The following STARD13 variants were observed in gnomAD, a reference collection of about 807,000 sequenced individuals.
STARD13 encodes the protein StAR related lipid transfer domain containing 13, also known as stAR-related lipid transfer protein 13.
Under a neutral mutation model 106.4 loss-of-function variants are expected in STARD13, and 62 were observed. That is an observed-to-expected ratio of 0.58 (90% CI 0.48 to 0.72). STARD13 has a LOEUF of 0.72. Among genes scored for constraint, STARD13 ranks in the 30% least tolerant of loss-of-function variants. The pLI is 0.00. For missense variants in STARD13, 1,387 were observed against 1,424.0 expected, an observed-to-expected ratio of 0.97 and a Z score of 0.42; for synonymous variants, 565 against 553.0, an observed-to-expected ratio of 1.02 and a Z score of -0.31.
chr13:33,156,071 A>C lies in STARD13; in HGVS notation c.323+9266T>G, dbSNP rs1049192416. Among the ~76,000 whole-genome samples the C allele has an allele frequency of 1.3e-5, 2 of 152,224 alleles. 1 individual carries two copies. The highest frequency in any genetic ancestry group is 4.1e-4 in the South Asian group (2 of 4,824). On this transcript the variant is annotated intron_variant, in intron 3 of 13. Transcript: ENST00000336934. ...CAAACCTTGGCTGCATTACGCCCCC[A>C]TTACCATAAAATTTCCATGGGTAAG...
At chr13:33,502,630 C>G in the STARD13 span, among the ~76,000 whole-genome samples, 1 of 152,176 alleles carries the variant, frequency 6.6e-6, no homozygotes, top group Non-Finnish European at 1.5e-5. Flanking sequence ...TTTTCTGCAT[C>G]TATTGAGATA....
chr13:33,164,933 C>G (rs1200282922), intron 3 of STARD13, among the ~76,000 whole-genome samples: 1 of 152,178 alleles, frequency 6.6e-6, no homozygotes, highest in Non-Finnish European at 1.5e-5. Flanking sequence ...CCTTCCCTCA[C>G]CACACATGCT....
At chr13:33,433,191 T>C in the STARD13 span, among the ~76,000 whole-genome samples, 1 of 152,244 alleles carries the variant, frequency 6.6e-6, no homozygotes, top group East Asian at 1.9e-4. Context: ...AAGATAATAT[T>C]GTTTCTCTTT....
chr13:33,359,144 C>T, the STARD13 span, among the ~76,000 whole-genome samples: 29 of 37,862 alleles, frequency 7.7e-4, no homozygotes, highest in Middle Eastern at 0.018. Flanking sequence ...ACTGTGGAAG[C>T]GTTGTTTTTC....
the STARD13 span, among the ~76,000 whole-genome samples, chr13:33,542,770 C>T: frequency 9.2e-5 from 14 of 152,228 alleles, no homozygotes; most frequent in African/African-American, 1.7e-4. Flanking sequence ...GGAAGGGATC[C>T]GGTGACGCCT....
At chr13:33,476,609 G>A in the STARD13 span, among the ~76,000 whole-genome samples, 1 of 152,158 alleles carries the variant, frequency 6.6e-6, no homozygotes, top group East Asian at 1.9e-4. Context: ...TTTGGCATAG[G>A]ACCTCTGTTT....
intron 1 of STARD13, among the ~76,000 whole-genome samples, chr13:33,319,407 A>G (rs988941279): frequency 3.3e-5 from 5 of 152,202 alleles, no homozygotes; most frequent in African/African-American, 1.2e-4. Context: ...AATTGCAAAT[A>G]GGCATGGGTT....
the STARD13 span, among the ~76,000 whole-genome samples, chr13:33,609,105 A>AAAAAAAAAAAAAG: frequency 3.9e-3 from 521 of 133,096 alleles, 44 homozygotes; most frequent in African/African-American, 0.017. Context: ...AAAAAAAAAA[A>AAAAAAAAAAAAAG]AAATATTGAT....
At chr13:33,403,672 A>G in the STARD13 span, among the ~76,000 whole-genome samples, 1 of 152,214 alleles carries the variant, frequency 6.6e-6, no homozygotes, top group East Asian at 1.9e-4. Context: ...TCATGACATC[A>G]TTACAAAGCA....
At chr13:33,648,868 C>T in the STARD13 span, among the ~76,000 whole-genome samples, 1 of 147,772 alleles carries the variant, frequency 6.8e-6, no homozygotes, top group South Asian at 2.1e-4. Context: ...CTCGGGTCAC[C>T]GCAACCTCCG....
the STARD13 span, among the ~76,000 whole-genome samples, chr13:33,644,235 T>C: frequency 6.6e-6 from 1 of 152,222 alleles, no homozygotes; most frequent in Non-Finnish European, 1.5e-5. Flanking sequence ...TGGCCATTTC[T>C]TGGGTGTGTG....
intron 1 of STARD13, among the ~76,000 whole-genome samples, chr13:33,190,992 C>G (rs187974016): frequency 6.6e-6 from 1 of 152,016 alleles, no homozygotes; most frequent in Admixed American, 6.6e-5. Context: ...AACAAAATAC[C>G]AAGTATTACT....
intron 1 of STARD13, among the ~76,000 whole-genome samples, chr13:33,339,402 C>A (rs949742478): frequency 6.6e-5 from 10 of 152,228 alleles, no homozygotes; most frequent in African/African-American, 2.4e-4. Context: ...AGACACTGTA[C>A]AATCTATGCT....
At chr13:33,483,625 A>G in the STARD13 span, among the ~76,000 whole-genome samples, 2,185 of 152,308 alleles carry the variant, frequency 0.014, 57 homozygotes, top group African/African-American at 0.047. Context: ...CAGAACCATT[A>G]TTCATCATGA....
At chr13:33,612,299 C>T in the STARD13 span, among the ~76,000 whole-genome samples, 1 of 152,168 alleles carries the variant, frequency 6.6e-6, no homozygotes, top group East Asian at 1.9e-4. Flanking sequence ...TCCAACAGTG[C>T]CTTGGTAAGA....
At chr13:33,257,903 A>G (rs745955233) in intron 1 of STARD13, among the ~76,000 whole-genome samples, 4 of 152,254 alleles carry the variant, frequency 2.6e-5, no homozygotes, top group Non-Finnish European at 2.9e-5. Flanking sequence ...AATTTGTAAC[A>G]GCTGAGACTC....
chr13:33,395,492 G>T, the STARD13 span, among the ~76,000 whole-genome samples: 1 of 152,190 alleles, frequency 6.6e-6, no homozygotes, highest in Non-Finnish European at 1.5e-5. Context: ...AAATAAAAGA[G>T]GAAGATACAT....
intron 3 of STARD13, among the ~76,000 whole-genome samples, chr13:33,153,393 T>A (rs1245010869): frequency 6.6e-6 from 1 of 152,118 alleles, no homozygotes; most frequent in Non-Finnish European, 1.5e-5. Flanking sequence ...CAGAGAGGGA[T>A]GCCCAGGGCC....
the STARD13 span, among the ~76,000 whole-genome samples, chr13:33,622,916 C>A: frequency 2.5e-5 from 3 of 121,002 alleles, no homozygotes; most frequent in Non-Finnish European, 4.7e-5. Context: ...AAAACTCTGT[C>A]TAAAAAAAAA....
Sources: allele counts gnomAD v4.1 joint callset (sites outside exome capture counted in the v4.1 genomes callset), GRCh38; gene constraint gnomAD v4.1.1; transcripts MANE v1.5; gene names NCBI Gene and HGNC (gene_info 2026-07-23, HGNC 2026-07-21).